PRDM2: variants seen among roughly 807,000 people sequenced by gnomAD.
PRDM2 encodes the protein PR/SET domain 2.
In PRDM2, 30 loss-of-function variants were observed where a neutral mutation model predicts 130.0. That is an observed-to-expected ratio of 0.23 (90% CI 0.17 to 0.31). PRDM2 has a LOEUF of 0.31. PRDM2 is among the 10% of genes least tolerant of loss of function. PRDM2 has a pLI of 1.00. For missense variants in PRDM2, 2,011 were observed against 2,108.4 expected (o/e 0.95, Z 0.90); for synonymous variants, 871 against 782.4 (o/e 1.11, Z -1.89).
At chr1:13,789,955 C>T (rs1446996616) in intron 8 of PRDM2, among the ~76,000 whole-genome samples, 1 of 152,218 alleles carries the variant, frequency 6.6e-6, no homozygotes, top group East Asian at 1.9e-4. Flanking sequence ...AGTGAAGGTT[C>T]TGGTGAAGCA....
At chr1:13,720,742 C>G (rs1177155559) in intron 2 of PRDM2, among the ~76,000 whole-genome samples, 1 of 152,130 alleles carries the variant, frequency 6.6e-6, no homozygotes, top group Admixed American at 6.5e-5. Flanking sequence ...CCATTACTAT[C>G]CCTATTTAAC....
rs770641673 is a variant in PRDM2 at position 13,780,198 on chromosome 1, T to A, written c.2403T>A (p.Asp801Glu). Residue 801 changes from aspartate to glutamate, a missense_variant, in exon 8 of 10, where the codon GAT becomes GAA. By Grantham distance (45) the Asp-to-Glu change is conservative. Around this residue, in one of 5 missense-constraint regions of PRDM2, gnomAD observed 1,288 missense variants for 1,237.7 expected, o/e 1.04. Transcript: ENST00000311066. ...AAACTGTGAGCCCTCCATGCTTTGA[T>A]GAATATAAAATGTCTAAAGAGTGGA... Reference protein sequence around the residue: ...ERETVSPPCFDEYKMSKEWTA... With the variant: ...ERETVSPPCFEEYKMSKEWTA... 1 of 1,601,148 alleles carries A rather than the reference T, an allele frequency of 6.2e-7. No individual in the cohort carries two copies. Among genetic ancestry groups the A allele is most frequent in the East Asian group, 2.2e-5 (1 of 44,720 alleles).
At chr1:13,763,888 G>A (rs1428437152) in intron 6 of PRDM2, among the ~76,000 whole-genome samples, 3 of 152,088 alleles carry the variant, frequency 2.0e-5, no homozygotes, top group East Asian at 1.9e-4. Context: ...TATCTCTGTG[G>A]ATATATCGTA....
intron 6 of PRDM2, chr1:13,769,170 G>A (rs769205303): frequency 7.1e-6 from 7 of 985,038 alleles, no homozygotes; most frequent in South Asian, 9.4e-5. Context: ...CCCAGGACCC[G>A]ATGGTAAGTG....
chr1:13,731,251 G>C (rs1643097496), intron 3 of PRDM2, 134 bp downstream of exon 3: 1 of 687,200 alleles, frequency 1.5e-6, no homozygotes, highest in Non-Finnish European at 2.5e-6. Context: ...AGATTATATG[G>C]TGTTGATGCA....
At chr1:13,784,433 T>C (rs1303382733) in intron 8 of PRDM2, among the ~76,000 whole-genome samples, 1 of 152,266 alleles carries the variant, frequency 6.6e-6, no homozygotes, top group Non-Finnish European at 1.5e-5. Flanking sequence ...ATGTACTGTC[T>C]ATCCCTTTTG....
chr1:13,715,876 G>A (rs1642517005), intron 2 of PRDM2, among the ~76,000 whole-genome samples: 1 of 152,106 alleles, frequency 6.6e-6, no homozygotes, highest in Admixed American at 6.6e-5. Context: ...CTTTCTTTTT[G>A]ACCTCTCCCT....
At position 13,731,253 on chromosome 1, in the gene PRDM2, G is replaced by A. The variant is rs540188640; in HGVS notation, c.127+136G>A. On this transcript the variant is annotated intron_variant, in intron 3 of 9. Coordinates refer to ENST00000311066, the MANE Select transcript of PRDM2 (RefSeq NM_001393986.1). ...CCCTTGACTTAGAAGATTATATGGT[G>A]TTGATGCATTTTCTAGTCAAGAATC... 7.5e-5 allele frequency: 51 copies of A among 681,928 alleles called. No individual in the cohort carries two copies. In the East Asian group the frequency reaches 1.4e-3, roughly 18 times the overall value. 42.2% of individuals were successfully genotyped at this position (681,928 alleles called of 1,614,324 possible).
chr1:13,742,322 C>T (rs1188123123), intron 5 of PRDM2, among the ~76,000 whole-genome samples, 165 bp downstream of exon 5: 1 of 152,168 alleles, frequency 6.6e-6, no homozygotes, highest in Non-Finnish European at 1.5e-5. Flanking sequence ...GGACCTCAAC[C>T]TCCCGAGTAG....
At chr1:13,746,870 C>T (rs1015437788) in intron 5 of PRDM2, among the ~76,000 whole-genome samples, 14 of 152,332 alleles carry the variant, frequency 9.2e-5, no homozygotes, top group African/African-American at 3.4e-4. Flanking sequence ...ATTTTGAAGG[C>T]TGTTTAGCAG....
At chr1:13,801,226 T>C (rs906341261) in intron 8 of PRDM2, among the ~76,000 whole-genome samples, 8 of 152,172 alleles carry the variant, frequency 5.3e-5, no homozygotes, top group South Asian at 2.1e-4. Flanking sequence ...AGGAGGCCAC[T>C]CTCCTGGAAC....
chr1:13,717,348 G>C (rs1449842312), intron 2 of PRDM2: 2 of 847,532 alleles, frequency 2.4e-6, no homozygotes, highest in Non-Finnish European at 2.8e-6. Context: ...TACGAACCTG[G>C]TCACCCAAAG....
In PRDM2 at chr1:13,773,077, G is replaced by A; in HGVS notation, c.512-1G>A. 1 of 1,490,756 alleles carries A rather than the reference G, an allele frequency of 6.7e-7. No individual in the cohort carries two copies. Among genetic ancestry groups the A allele is most frequent in the South Asian group, 1.4e-5 (1 of 72,642 alleles). 92.3% of individuals were successfully genotyped at this position (1,490,756 alleles called of 1,614,324 possible). On this transcript the variant is annotated splice_acceptor_variant, in intron 6 of 9. Transcript: ENST00000311066. LOFTEE classifies it high-confidence loss of function. ...ATAAATTAAAAAAAATTGTGTTTCA[G>A]GGAAGAAAAAATCCCAGGAAAATAA...
chr1:13,782,045 T>C lies in PRDM2; in HGVS notation c.4250T>C (p.Leu1417Pro). 1 of 1,613,754 alleles carries C rather than the reference T, an allele frequency of 6.2e-7. No homozygotes were observed. The highest frequency in any genetic ancestry group is 8.5e-7 in the Non-Finnish European group (1 of 1,179,956). Reference sequence around the variant, plus strand: ...CTCAGCAAAATGTCGTCGAATAAGCTCAAATTAAATGCATTGAAGAAAAAA... The same window carrying C: ...CTCAGCAAAATGTCGTCGAATAAGCCCAAATTAAATGCATTGAAGAAAAAA... ...VELSKMSSNK[L>P]KLNALKKKNQ... Residue 1417 changes from leucine (L) to proline (P), a missense_variant, in exon 8 of 10, where the codon CTC becomes CCC. Around this residue, in one of 5 missense-constraint regions of PRDM2, gnomAD observed 410 missense variants for 395.9 expected, o/e 1.04. Coordinates refer to ENST00000311066, the MANE Select transcript of PRDM2 (RefSeq NM_001393986.1).
At chr1:13,818,938 G>C (rs1321251575) in intron 9 of PRDM2, among the ~76,000 whole-genome samples, 1 of 151,956 alleles carries the variant, frequency 6.6e-6, no homozygotes, top group African/African-American at 2.4e-5. Flanking sequence ...CCCTGGGAGA[G>C]GTACCTCCCA....
At chr1:13,785,737 G>T (rs1644720214) in intron 8 of PRDM2, among the ~76,000 whole-genome samples, 1 of 141,840 alleles carries the variant, frequency 7.1e-6, no homozygotes, top group African/African-American at 2.7e-5. Flanking sequence ...TCATTTCCAT[G>T]GGCTCCAGTA....
At chr1:13,814,955 T>C (rs1390464598) in intron 8 of PRDM2, among the ~76,000 whole-genome samples, 1 of 152,204 alleles carries the variant, frequency 6.6e-6, no homozygotes, top group African/African-American at 2.4e-5. Context: ...TGTGCCTCAG[T>C]TTCCTCATCT....
At position 13,781,158 on chromosome 1, in the gene PRDM2, A is replaced by T; in HGVS notation, c.3363A>T (p.Glu1121Asp). The change falls in exon 8 of 10, where the codon GAA (glutamate) becomes GAT (aspartate). Residue 1121 changes from glutamate to aspartate, a missense_variant. Glu to Asp is a conservative substitution (Grantham distance 45, BLOSUM62 2). Around this residue, in one of 5 missense-constraint regions of PRDM2, gnomAD observed 229 missense variants for 364.1 expected, o/e 0.63. Transcript: ENST00000311066. This position sits in a 1 kb window ranked among gnomAD's most constrained non-coding sequence, Gnocchi z 6.1. ...GGGAAGAGCCCCAGTCTGCTGCTGA[A>T]CAGGATGTTGTTGTTCAGGAAACAT... ...KPREEPQSAA[E>D]QDVVVQETFN... 6.2e-7 allele frequency: 1 copy of T among 1,614,192 alleles called. No individual in the cohort carries two copies.
chr1:13,786,994 TTTAAA>T (rs1316625038), intron 8 of PRDM2: 3 of 986,494 alleles, frequency 3.0e-6, no homozygotes, highest in Non-Finnish European at 3.6e-6. Context: ...ATGCCTTTCT[TTTAAA>T]TTAATTATAG....
Sources: allele counts gnomAD v4.1 joint callset (sites outside exome capture counted in the v4.1 genomes callset), GRCh38; gene constraint gnomAD v4.1.1; regional missense constraint gnomAD v4.1.1; non-coding constraint Gnocchi (gnomAD v3.1); transcripts MANE v1.5; gene names NCBI Gene and HGNC (gene_info 2026-07-23, HGNC 2026-07-21).